The following MPPED2 variants were observed in gnomAD, a reference collection of about 807,000 sequenced individuals.
MPPED2 encodes metallophosphoesterase MPPED2.
A neutral mutation model predicts 33.0 loss-of-function variants in MPPED2; 5 were observed. The ratio of observed to expected loss-of-function variants is 0.15; its 90% confidence interval spans 0.08 to 0.32. MPPED2 has a LOEUF of 0.32. Ranked by LOEUF, MPPED2 falls within the 10% of genes least tolerant of loss-of-function variation. The pLI, the probability that MPPED2 is intolerant of heterozygous loss-of-function variation, is 1.00. For synonymous variants in MPPED2, 136 were observed against 141.9 expected (o/e 0.96, Z 0.29); for missense variants, 275 against 372.1 (o/e 0.74, Z 2.15).
intron 2 of MPPED2, among the ~76,000 whole-genome samples, chr11:30,576,474 A>G (rs1956935882): frequency 6.6e-6 from 1 of 152,216 alleles, no homozygotes; most frequent in African/African-American, 2.4e-5. Context: ...TAACCTGAGT[A>G]GGGTATCCTA....
Position 30,464,067 on chromosome 11 carries a change from G to A in MPPED2, c.536+31229C>T, listed in dbSNP as rs187133547. ...CAATATAAATTTGATTAGTTATATC[G>A]ACATATATCTATGATACCTTAATAA... is the stretch of plus-strand genomic sequence containing the variant. On this transcript the variant is annotated intron_variant, in intron 4 of 6. Transcript: ENST00000358117. Among the ~76,000 whole-genome samples, 4 of 152,094 alleles carry A rather than the reference G, an allele frequency of 2.6e-5. No homozygotes were observed. In the East Asian group the frequency reaches 5.8e-4, roughly 22 times the overall value.
Position 30,476,684 on chromosome 11 carries a change from A to G in MPPED2, c.536+18612T>C, listed in dbSNP as rs1289757746. Among the ~76,000 whole-genome samples, 7 of 152,122 alleles carry G rather than the reference A, an allele frequency of 4.6e-5. No individual in the cohort carries two copies. The East Asian group carries it at 9.6e-4, about 21-fold the overall frequency. On this transcript the variant is annotated intron_variant, in intron 4 of 6. Coordinates refer to ENST00000358117, the MANE Select transcript of MPPED2 (RefSeq NM_001584.3). ...CTGAAATCAGATAGTACAGTCCATC[A>G]ACTTTTATTTTTTTATACTCACTTT...
chr11:30,406,753 G>T (rs1947996027), downstream of MPPED2, among the ~76,000 whole-genome samples: 1 of 152,114 alleles, frequency 6.6e-6, no homozygotes, highest in Non-Finnish European at 1.5e-5. Context: ...CACACATTAG[G>T]ACCATCCCAT....
At chr11:30,456,279 T>C (rs1950275130) in intron 4 of MPPED2, among the ~76,000 whole-genome samples, 1 of 152,128 alleles carries the variant, frequency 6.6e-6, no homozygotes, top group South Asian at 2.1e-4. Context: ...AACAAAGACA[T>C]TAGATGGATG....
At chr11:30,396,017 G>A (rs1258164615) in intron 6 of MPPED2, among the ~76,000 whole-genome samples, 2 of 152,080 alleles carry the variant, frequency 1.3e-5, no homozygotes, top group Admixed American at 6.5e-5. Flanking sequence ...TGAGGAGATC[G>A]TATTTATCAT....
intron 4 of MPPED2, among the ~76,000 whole-genome samples, chr11:30,442,106 A>C (rs1321803293): frequency 6.6e-6 from 1 of 152,212 alleles, no homozygotes; most frequent in African/African-American, 2.4e-5. Flanking sequence ...AAAATGCAAA[A>C]ACTGTTGGAA....
chr11:30,443,827 G>C (rs1027519512), intron 4 of MPPED2, among the ~76,000 whole-genome samples: 4 of 152,122 alleles, frequency 2.6e-5, no homozygotes, highest in African/African-American at 9.7e-5. Flanking sequence ...ACTGCATAAC[G>C]AAACAACAAA....
At chr11:30,560,273 A>G (rs1440278899) in intron 2 of MPPED2, among the ~76,000 whole-genome samples, 1 of 152,120 alleles carries the variant, frequency 6.6e-6, no homozygotes, top group Non-Finnish European at 1.5e-5. Context: ...TATGTATTTC[A>G]TAGTAGTTGC....
intron 1 of MPPED2, among the ~76,000 whole-genome samples, chr11:30,581,234 G>A (rs987703078): frequency 2.6e-5 from 4 of 152,088 alleles, no homozygotes; most frequent in African/African-American, 7.2e-5. Context: ...TTCAAGCCCC[G>A]ATGGAGCGGT....
upstream of MPPED2, chr11:30,586,624 G>A (rs776937491): frequency 2.0e-5 from 3 of 152,246 alleles, no homozygotes; most frequent in Non-Finnish European, 4.4e-5. The surrounding 1 kb of genome is among the most constrained non-coding windows in gnomAD (Gnocchi z 4.8). Context: ...AGTGCGATCT[G>A]CGTAAAAAAT....
chr11:30,393,282 T>C (rs2133698158), intron 6 of MPPED2, among the ~76,000 whole-genome samples: 1 of 152,182 alleles, frequency 6.6e-6, no homozygotes, highest in South Asian at 2.1e-4. Flanking sequence ...ATACAGTCTC[T>C]AATAGACAAC....
At chr11:30,569,232 G>T (rs1259002826) in intron 2 of MPPED2, among the ~76,000 whole-genome samples, 1 of 152,026 alleles carries the variant, frequency 6.6e-6, no homozygotes, top group African/African-American at 2.4e-5. Flanking sequence ...ACTCCCACGG[G>T]ATTATTATTT....
intron 2 of MPPED2, among the ~76,000 whole-genome samples, chr11:30,572,150 G>T (rs976349933): frequency 6.6e-6 from 1 of 151,788 alleles, no homozygotes; most frequent in East Asian, 1.9e-4. Flanking sequence ...GATAGGATTT[G>T]TTTTATTTCA....
chr11:30,414,174 T>G, intron 6 of MPPED2, 54 bp downstream of exon 6: 249 of 1,220,034 alleles, frequency 2.0e-4, no homozygotes, highest in Non-Finnish European at 2.7e-4. Context: ...AGTTGTAGAC[T>G]GAGATAGTGG....
intron 4 of MPPED2, among the ~76,000 whole-genome samples, chr11:30,428,609 T>C (rs1204536786): frequency 6.6e-6 from 1 of 152,186 alleles, no homozygotes; most frequent in Non-Finnish European, 1.5e-5. Flanking sequence ...TGTAGTGCAA[T>C]GATTAAGTTA....
In MPPED2 at chr11:30,477,414, T is replaced by C. The variant is rs77644245; in HGVS notation, c.536+17882A>G. On this transcript the variant is annotated intron_variant, in intron 4 of 6. Coordinates refer to ENST00000358117, the MANE Select transcript of MPPED2 (RefSeq NM_001584.3). ...TTTCTACTCCTGGTTGCTGAAAGTT[T>C]TTATTATGAATAATATTGAGTCTTT... is the stretch of plus-strand genomic sequence containing the variant. Among the ~76,000 whole-genome samples, 53 of 152,290 alleles carry C rather than the reference T, an allele frequency of 3.5e-4. No homozygotes were observed. In the East Asian group the frequency reaches 9.8e-3, roughly 28 times the overall value.
intron 3 of MPPED2, among the ~76,000 whole-genome samples, chr11:30,525,592 T>C (rs1251296910): frequency 6.6e-6 from 1 of 152,032 alleles, no homozygotes; most frequent in African/African-American, 2.4e-5. Flanking sequence ...GTAGGAAGCT[T>C]AAGAATTGAA....
intron 6 of MPPED2, among the ~76,000 whole-genome samples, chr11:30,398,727 C>T (rs1947868379): frequency 6.6e-6 from 1 of 152,082 alleles, no homozygotes; most frequent in African/African-American, 2.4e-5. Flanking sequence ...AGCTTTTAAA[C>T]TTTCCTTAAT....
At chr11:30,554,630 G>A (rs1255730095) in intron 2 of MPPED2, among the ~76,000 whole-genome samples, 1 of 151,920 alleles carries the variant, frequency 6.6e-6, no homozygotes, top group African/African-American at 2.4e-5. Flanking sequence ...AAGTAGCTGG[G>A]ATTACAGGGG....
Sources: gnomAD v4.1 joint callset for allele counts (sites outside exome capture counted in the v4.1 genomes callset) on GRCh38, gnomAD v4.1.1 for gene constraint, Gnocchi (gnomAD v3.1) non-coding constraint, MANE v1.5 for transcripts, NCBI Gene and HGNC (gene_info 2026-07-23, HGNC 2026-07-21) for gene names.